MAN1A1: variants seen among roughly 807,000 people sequenced by gnomAD.
MAN1A1 encodes mannosyl-oligosaccharide 1,2-alpha-mannosidase IA.
Under a neutral mutation model 70.8 loss-of-function variants are expected in MAN1A1, and 29 were observed. That is an observed-to-expected ratio of 0.41 (90% CI 0.31 to 0.56). The LOEUF (loss-of-function observed/expected upper bound fraction) is 0.56. Among genes scored for constraint, MAN1A1 ranks in the 20% least tolerant of loss-of-function variants. MAN1A1 has a pLI of 0.29. For synonymous variants in MAN1A1, 349 were observed against 330.1 expected (o/e 1.06, Z -0.62); for missense variants, 747 against 841.3 (o/e 0.89, Z 1.39).
intron 2 of MAN1A1, among the ~76,000 whole-genome samples, chr6:119,328,333 C>T (rs195059): frequency 0.18 from 27,472 of 152,136 alleles, 2,880 homozygotes; most frequent in East Asian, 0.28. Context: ...GTTGTGCATC[C>T]GCTCACTTGC....
chr6:119,268,851 G>A (rs1775832259), intron 5 of MAN1A1, among the ~76,000 whole-genome samples: 2 of 152,090 alleles, frequency 1.3e-5, no homozygotes, highest in African/African-American at 2.4e-5. Flanking sequence ...AAAGTGCTCG[G>A]ATTACAGGTG....
intron 5 of MAN1A1, among the ~76,000 whole-genome samples, chr6:119,275,783 A>G (rs6569063): frequency 0.47 from 71,667 of 152,084 alleles, 17,219 homozygotes; most frequent in East Asian, 0.65. Context: ...TGTAACTGAT[A>G]AGCAAGTAAA....
intron 2 of MAN1A1, among the ~76,000 whole-genome samples, chr6:119,315,301 T>G (rs984128423): frequency 6.6e-6 from 1 of 152,256 alleles, no homozygotes; most frequent in Non-Finnish European, 1.5e-5. Context: ...CCACTGAGCA[T>G]TAATTCCCCA....
chr6:119,239,270 C>T (rs1174504320), intron 6 of MAN1A1, among the ~76,000 whole-genome samples: 1 of 152,188 alleles, frequency 6.6e-6, no homozygotes, highest in African/African-American at 2.4e-5. Context: ...TGCTAAATCA[C>T]CAAATTGCAC....
intron 4 of MAN1A1, among the ~76,000 whole-genome samples, chr6:119,301,332 C>G (rs1772383248): frequency 6.6e-6 from 1 of 152,208 alleles, no homozygotes; most frequent in African/African-American, 2.4e-5. Context: ...TAGTCCTCCC[C>G]AGTCAAAATT....
At chr6:119,256,410 C>A in intron 5 of MAN1A1, among the ~76,000 whole-genome samples, 1 of 89,884 alleles carries the variant, frequency 1.1e-5, no homozygotes, top group South Asian at 4.7e-4. Context: ...AATTGTATCT[C>A]ATTATTTTTT....
intron 5 of MAN1A1, among the ~76,000 whole-genome samples, chr6:119,263,910 T>TAAGACTTCAAG (rs1775679588): frequency 6.6e-6 from 1 of 152,354 alleles, no homozygotes; most frequent in South Asian, 2.1e-4. Context: ...ACAACATTTG[T>TAAGACTTCAAG]AAGACTTCAA....
chr6:119,193,447 T>C (rs924987546), intron 9 of MAN1A1, among the ~76,000 whole-genome samples: 2 of 152,182 alleles, frequency 1.3e-5, no homozygotes, highest in African/African-American at 2.4e-5. Context: ...ACTTAGGCAA[T>C]TGTCAGAATA....
Position 119,248,302 on chromosome 6 carries a change from T to A in MAN1A1, c.950A>T (p.His317Leu), listed in dbSNP as rs1023830483. 3 of 1,613,592 alleles carry A rather than the reference T, an allele frequency of 1.9e-6. No homozygotes were observed. Among genetic ancestry groups the A allele is most frequent in the African/African-American group, 2.7e-5 (2 of 74,930 alleles). The change falls in exon 6 of 13, where the codon CAT becomes CTT. Residue 317 changes from histidine (H) to leucine (L), a missense_variant. By Grantham distance (99) the His-to-Leu change is moderately conservative. Transcript: ENST00000368468. Reference protein sequence around the residue: ...ELGVKLLPAFHTPSGIPWALL... With the variant: ...ELGVKLLPAFLTPSGIPWALL... ...TGCCCAAGGTATTCCAGAGGGAGTA[T>A]GAAATGCAGGTAGCAATTTTACCCC... is the stretch of plus-strand genomic sequence containing the variant.
At chr6:119,316,888 AT>A (rs1426866322) in intron 2 of MAN1A1, among the ~76,000 whole-genome samples, 1 of 151,780 alleles carries the variant, frequency 6.6e-6, no homozygotes, top group East Asian at 1.9e-4. Flanking sequence ...CTTGAATTTC[AT>A]TAAAATGAGC....
intron 5 of MAN1A1, among the ~76,000 whole-genome samples, chr6:119,253,958 G>A (rs188023902): frequency 1.3e-5 from 2 of 152,142 alleles, no homozygotes; most frequent in Non-Finnish European, 2.9e-5. Context: ...AATCATACAC[G>A]AGACTGAATC....
At chr6:119,214,828 T>C (rs1266778057) in intron 6 of MAN1A1, among the ~76,000 whole-genome samples, 3 of 152,094 alleles carry the variant, frequency 2.0e-5, no homozygotes, top group African/African-American at 7.2e-5. Context: ...TTGAAACAAA[T>C]TACCGTCATT....
chr6:119,317,761 AC>A (rs1400431056), intron 2 of MAN1A1, among the ~76,000 whole-genome samples: 2 of 152,162 alleles, frequency 1.3e-5, no homozygotes, highest in Non-Finnish European at 2.9e-5. Context: ...GCCAGAAATC[AC>A]TATTTTCTTA....
intron 6 of MAN1A1, among the ~76,000 whole-genome samples, chr6:119,225,797 A>C (rs1774498905): frequency 6.6e-6 from 1 of 152,236 alleles, no homozygotes; most frequent in Non-Finnish European, 1.5e-5. Flanking sequence ...TTTTTAAACA[A>C]CAATATATCT....
intron 8 of MAN1A1, among the ~76,000 whole-genome samples, chr6:119,197,490 T>C (rs1465412394): frequency 6.6e-6 from 1 of 152,098 alleles, no homozygotes; most frequent in African/African-American, 2.4e-5. Context: ...TGCATATGGA[T>C]GTGAATCATC....
chr6:119,243,096 A>T (rs1371817897), intron 6 of MAN1A1, among the ~76,000 whole-genome samples: 1 of 152,136 alleles, frequency 6.6e-6, no homozygotes, highest in Non-Finnish European at 1.5e-5. Flanking sequence ...TAATAGATCC[A>T]TAAAGTATAT....
At chr6:119,263,564 C>T (rs1191244885) in intron 5 of MAN1A1, among the ~76,000 whole-genome samples, 2 of 152,092 alleles carry the variant, frequency 1.3e-5, no homozygotes, top group African/African-American at 2.4e-5. Flanking sequence ...ATGCTTATTA[C>T]TTGTGTGAAA....
chr6:119,256,885 A>G (rs1279450819), intron 5 of MAN1A1, among the ~76,000 whole-genome samples: 1 of 152,232 alleles, frequency 6.6e-6, no homozygotes, highest in African/African-American at 2.4e-5. Context: ...GATACATGAG[A>G]AAAAATTAAA....
At chr6:119,275,980 C>A (rs73519328) in intron 5 of MAN1A1, among the ~76,000 whole-genome samples, 1 of 152,226 alleles carries the variant, frequency 6.6e-6, no homozygotes, top group African/African-American at 2.4e-5. Flanking sequence ...ACGTAATTAC[C>A]CCAGTACTGA....
Sources: allele counts gnomAD v4.1 joint callset (sites outside exome capture counted in the v4.1 genomes callset), GRCh38; gene constraint gnomAD v4.1.1; transcripts MANE v1.5; gene names NCBI Gene and HGNC (gene_info 2026-07-23, HGNC 2026-07-21).